Variants in BTNL2 observed in about 807,000 individuals in gnomAD.
BTNL2 encodes butyrophilin-like protein 2.
A neutral mutation model predicts 46.8 loss-of-function variants in BTNL2; 46 were observed. The ratio of observed to expected loss-of-function variants is 0.98; its 90% CI spans 0.78 to 1.26. The LOEUF (loss-of-function observed/expected upper bound fraction) is 1.26, where lower values mean the gene tolerates loss of function less well. Among genes scored for constraint, BTNL2 ranks in the 50% most tolerant of loss-of-function variants. The pLI, the probability that BTNL2 is intolerant of heterozygous loss-of-function variation, is 0.00. For synonymous variants in BTNL2, 226 were observed against 229.1 expected (o/e 0.99, Z 0.12); for missense variants, 461 against 592.6 (o/e 0.78, Z 2.31).
Position 32,394,971 on chromosome 6 carries a change from T to G in BTNL2, c.1133A>C (p.Gln378Pro), listed in dbSNP as rs777419219. Reference sequence around the variant, plus strand: ...CCACCCATCTGAAGAGCACATCGGCTGCATTTCTCCATCTTCTTGCCCCTC... The same window carrying G: ...CCACCCATCTGAAGAGCACATCGGCGGCATTTCTCCATCTTCTTGCCCCTC... ...TVEGQEDGEMQPMCSSDGWFP... is the reference protein window; with the variant it reads ...TVEGQEDGEMPPMCSSDGWFP... The change falls in exon 6 of 8, where the codon CAG becomes CCG. Residue 378 changes from glutamine to proline, a missense_variant. Gln to Pro is a moderately conservative substitution (Grantham distance 76). Transcript: ENST00000454136. This position sits in a 1 kb window ranked among gnomAD's most constrained non-coding sequence, Gnocchi z 4.6. 6.2e-7 allele frequency: 1 copy of G among 1,612,914 alleles called. No individual in the cohort carries two copies. The highest frequency in any genetic ancestry group is 1.7e-5 in the Admixed American group (1 of 59,948).
chr6:32,400,541 C>T (rs929597715), intron 4 of BTNL2, among the ~76,000 whole-genome samples: 4 of 151,974 alleles, frequency 2.6e-5, no homozygotes, highest in African/African-American at 4.8e-5. Context: ...GCTCAGCCAT[C>T]GGCTGGTTAT....
rs751960463 is a variant in BTNL2 at position 32,407,172 on chromosome 6, A to T, written c.-49T>A. On this transcript the variant is annotated 5_prime_UTR_variant, in exon 1 of 8. Coordinates refer to ENST00000454136, the MANE Select transcript of BTNL2 (RefSeq NM_001304561.2). ...AACGCTGTGCCTAAGTGAGGCTGTG[A>T]CACACCCGGCACACTCCATGGCTTC... is the stretch of plus-strand genomic sequence containing the variant. The T allele has an allele frequency of 6.6e-7, 1 of 1,510,502 alleles. No homozygotes were observed. The highest frequency in any genetic ancestry group is 1.7e-5 in the Admixed American group (1 of 59,794). 93.6% of individuals were successfully genotyped at this position (1,510,502 alleles called of 1,614,324 possible). A position where few individuals can be genotyped will look rare whatever the true frequency, so the allele number is the denominator to read the frequency against.
chr6:32,394,765 T>C lies in BTNL2; in HGVS notation c.1339A>G (p.Ile447Val), dbSNP rs757411127. 6.2e-7 allele frequency: 1 copy of C among 1,612,560 alleles called. No homozygotes were observed. The highest frequency in any genetic ancestry group is 8.5e-7 in the Non-Finnish European group (1 of 1,178,842). The change falls in exon 6 of 8, where the codon ATC (isoleucine) becomes GTC (valine). Residue 447 changes from isoleucine (I) to valine (V), a missense_variant. Transcript: ENST00000454136. The surrounding 1 kb of genome is among the most constrained non-coding windows in gnomAD (Gnocchi z 4.6). ...ISIPFLGEEK[I>V]ATFSLSESRM... ...CAACCTGAGAGAGAAAAAGTTGCGA[T>C]TTTCTCCTCGCCCAAAAAGGGGATG...
rs1348732302 is a variant in BTNL2, at chr6:32,399,366, A to G, written c.730+2419T>C. On this transcript the variant is annotated intron_variant, in intron 4 of 7. Transcript: ENST00000454136. The surrounding 1 kb of genome is among the most constrained non-coding windows in gnomAD (Gnocchi z 5.2). ...TTATACACTGATTCCTTGAAACCTG[A>G]TAATCTCATCATCATACCACATAAT... Among the ~76,000 whole-genome samples the G allele has an allele frequency of 6.6e-6, 1 of 152,232 alleles. No individual in the cohort carries two copies. The highest frequency in any genetic ancestry group is 1.5e-5 in the Non-Finnish European group (1 of 68,038).
At chr6:32,397,760 CA>C in intron 4 of BTNL2, among the ~76,000 whole-genome samples, 1 of 151,942 alleles carries the variant, frequency 6.6e-6, no homozygotes, top group South Asian at 2.1e-4. Context: ...GCGTTGGAGC[CA>C]TCCCCACCCT....
chr6:32,403,042 T>C lies in BTNL2; in HGVS notation c.602A>G (p.Tyr201Cys). Reference sequence around the variant, plus strand: ...CCTGACCACCAGGGTGGCTTCCGCATAGAACAGGCCATCTTTATCTTGGAT... The same window carrying C: ...CCTGACCACCAGGGTGGCTTCCGCACAGAACAGGCCATCTTTATCTTGGAT... ...HRIQDKDGLF[Y>C]AEATLVVRNA... Residue 201 changes from tyrosine to cysteine, a missense_variant, in exon 3 of 8, where the codon TAT becomes TGT. By Grantham distance (194) the Tyr-to-Cys change is radical. Transcript: ENST00000454136. 1.2e-6 allele frequency: 2 copies of C among 1,612,850 alleles called. No individual in the cohort carries two copies. Among genetic ancestry groups the C allele is most frequent in the Non-Finnish European group, 1.7e-6 (2 of 1,179,914 alleles).
intron 2 of BTNL2, among the ~76,000 whole-genome samples, chr6:32,404,103 A>G (rs1776963127): frequency 6.6e-6 from 1 of 151,460 alleles, no homozygotes; most frequent in African/African-American, 2.4e-5. Flanking sequence ...ACAGTAATGG[A>G]TGTTAAGAAA....
In BTNL2 at chr6:32,396,612, T is replaced by A. The variant is rs1293692343; in HGVS notation, c.731-226A>T. Among the ~76,000 whole-genome samples the A allele has an allele frequency of 6.6e-6, 1 of 152,120 alleles. No individual in the cohort carries two copies. The highest frequency in any genetic ancestry group is 1.9e-4 in the East Asian group (1 of 5,180). ...ATGTGTGTCAGTCTGAGTAAAACAGTAATTGAATCCCTACCTGCTTCTACC... is the reference window on the plus strand; with the variant it reads ...ATGTGTGTCAGTCTGAGTAAAACAGAAATTGAATCCCTACCTGCTTCTACC... On this transcript the variant is annotated intron_variant, in intron 4 of 7. Coordinates refer to ENST00000454136, the MANE Select transcript of BTNL2 (RefSeq NM_001304561.2). The surrounding 1 kb of genome is among the most constrained non-coding windows in gnomAD (Gnocchi z 4.4).
rs762399439 is a variant in BTNL2 at position 32,405,138 on chromosome 6, C to G, written c.228G>C (p.Val76=). 12 of 1,613,000 alleles carry G rather than the reference C, an allele frequency of 7.4e-6. No individual in the cohort carries two copies. The highest frequency in any genetic ancestry group is 1.7e-5 in the Admixed American group (1 of 60,006). ...CAGTCACCTCCACTCCATCCCTGTG[C>G]ACAAACACAGGTGTGCTGGGCTCTG... is the stretch of plus-strand genomic sequence containing the variant. The part of the protein sequence containing the change: ...YRSEPSTPVF[V]HRDGVEVTEM... Residue 76 remains valine (V), a synonymous_variant, in exon 2 of 8, where the codon GTG becomes GTC. Coordinates refer to ENST00000454136, the MANE Select transcript of BTNL2 (RefSeq NM_001304561.2).
Position 32,394,743 on chromosome 6 carries a change from C to T in BTNL2, c.1360+1G>A, listed in dbSNP as rs760585228. ...CTGAAGGAACATAAGGAATCACCAA[C>T]CTGAGAGAGAAAAAGTTGCGATTTT... On this transcript the variant is annotated splice_donor_variant, in intron 6 of 7. Coordinates refer to ENST00000454136, the MANE Select transcript of BTNL2 (RefSeq NM_001304561.2). LOFTEE classifies it high-confidence loss of function. The surrounding 1 kb of genome is among the most constrained non-coding windows in gnomAD (Gnocchi z 4.6). The T allele has an allele frequency of 6.2e-7, 1 of 1,610,920 alleles. No homozygotes were observed. The highest frequency in any genetic ancestry group is 1.1e-5 in the South Asian group (1 of 90,770).
intron 4 of BTNL2, among the ~76,000 whole-genome samples, chr6:32,398,786 A>T (rs931834181): frequency 6.6e-6 from 1 of 152,262 alleles, no homozygotes; most frequent in South Asian, 2.1e-4. Flanking sequence ...TTACAGATAC[A>T]GACAAAACTC....
chr6:32,406,195 A>G (rs1229725158), intron 1 of BTNL2: 1 of 152,324 alleles, frequency 6.6e-6, no homozygotes, highest in Non-Finnish European at 1.5e-5. Context: ...AAGGTGGCTA[A>G]AGAGCCTAAG....
At chr6:32,398,711 A>G (rs117330957) in intron 4 of BTNL2, among the ~76,000 whole-genome samples, 1,861 of 152,326 alleles carry the variant, frequency 0.012, 68 homozygotes, top group East Asian at 0.11. Context: ...TAAGAGCTAA[A>G]ATTGACTTCA....
rs1321953276 is a variant in BTNL2 at position 32,403,154 on chromosome 6, A to G, written c.490T>C (p.Cys164Arg). Residue 164 changes from cysteine (C) to arginine (R), a missense_variant, in exon 3 of 8, where the codon TGC becomes CGC. Cys to Arg is a radical substitution (Grantham distance 180, BLOSUM62 -3). Coordinates refer to ENST00000454136, the MANE Select transcript of BTNL2 (RefSeq NM_001304561.2). ...TCTGGGAACCAGCCCCTTGCAGTGC[A>G]CACAAGCTGGACTCCACTCTCCCCA... ...GPGESGVQLV[C>R]TARGWFPEPQ... is the part of the protein sequence containing the mutation. 2 of 1,612,594 alleles carry G rather than the reference A, an allele frequency of 1.2e-6. No homozygotes were observed. Among genetic ancestry groups the G allele is most frequent in the South Asian group, 2.2e-5 (2 of 91,008 alleles).
At chr6:32,403,601 AT>A (rs930013762) in intron 2 of BTNL2, 3 of 154,560 alleles carry the variant, frequency 1.9e-5, no homozygotes, top group African/African-American at 9.0e-5. Flanking sequence ...ATTGTCTGGT[AT>A]TTTAGATGAT....
intron 3 of BTNL2, 41 bp from the exon 4 acceptor site, chr6:32,401,846 T>C (rs1776802471): frequency 1.9e-6 from 3 of 1,579,062 alleles, no homozygotes; most frequent in Non-Finnish European, 2.6e-6. Context: ...GAATTTGGTG[T>C]AAGGGAAAGG....
At position 32,401,207 on chromosome 6, in the gene BTNL2, C is replaced by CAAAAAAA. The variant is rs9279632; in HGVS notation, c.730+571_730+577dup. Among the ~76,000 whole-genome samples, 262 of 38,910 alleles carry CAAAAAAA rather than the reference C, an allele frequency of 6.7e-3. 44 individuals are homozygous for CAAAAAAA. The highest frequency in any genetic ancestry group is 8.9e-3 in the African/African-American group (60 of 6,740). The allele number at this position is 38,910 out of a possible 152,430, so 25.5% of individuals were successfully genotyped here. On this transcript the variant is annotated intron_variant, in intron 4 of 7. Coordinates refer to ENST00000454136, the MANE Select transcript of BTNL2 (RefSeq NM_001304561.2). ...TGGGCGACAGAGCAAGACTCCGTCT[C>CAAAAAAA]AAAAAAAAAAAAAAAAAAAAAAAAA...
intron 5 of BTNL2, 46 bp downstream of exon 5, chr6:32,395,993 G>A (rs1329006411): frequency 1.1e-5 from 16 of 1,438,982 alleles, no homozygotes; most frequent in Non-Finnish European, 1.4e-5. Context: ...ATATTAAAGT[G>A]GCAGGAGCAG....
At chr6:32,398,640 C>T (rs1021978490) in intron 4 of BTNL2, among the ~76,000 whole-genome samples, 5 of 151,908 alleles carry the variant, frequency 3.3e-5, no homozygotes, top group African/African-American at 9.6e-5. Flanking sequence ...ATTCCCTGTC[C>T]GTGTGTGACC....
Sources: allele counts gnomAD v4.1 joint callset (sites outside exome capture counted in the v4.1 genomes callset), GRCh38; gene constraint gnomAD v4.1.1; non-coding constraint Gnocchi (gnomAD v3.1); transcripts MANE v1.5; gene names NCBI Gene and HGNC (gene_info 2026-07-23, HGNC 2026-07-21).